Variants in SLC24A2 observed in about 807,000 individuals in gnomAD.
The protein encoded by SLC24A2 is solute carrier family 24 member 2.
Under a neutral mutation model 62.0 loss-of-function variants are expected in SLC24A2, and 36 were observed. The observed-to-expected ratio is 0.58, with a 90% CI of 0.44 to 0.77. The LOEUF (loss-of-function observed/expected upper bound fraction) is 0.77. SLC24A2 is among the 30% of genes least tolerant of loss of function. The probability of loss-of-function intolerance (pLI) is 0.00; values close to 1 mark genes in which losing one functional copy is unlikely to be tolerated. For synonymous variants in SLC24A2, 358 were observed against 294.0 expected, an observed-to-expected ratio of 1.22 and a Z score of -2.23; for missense variants, 846 against 817.9, an observed-to-expected ratio of 1.03 and a Z score of -0.42.
At chr9:20,016,957 G>T in the SLC24A2 span, among the ~76,000 whole-genome samples, 1 of 152,164 alleles carries the variant, frequency 6.6e-6, no homozygotes, top group South Asian at 2.1e-4. Context: ...TTAATTAAAA[G>T]ATCACATAAG....
the SLC24A2 span, among the ~76,000 whole-genome samples, chr9:20,251,949 T>C: frequency 6.6e-6 from 1 of 152,200 alleles, no homozygotes; most frequent in African/African-American, 2.4e-5. Context: ...AAACACGACA[T>C]CTTTCCCAGA....
chr9:20,236,675 T>G, the SLC24A2 span, among the ~76,000 whole-genome samples: 2 of 152,146 alleles, frequency 1.3e-5, no homozygotes, highest in Admixed American at 1.3e-4. Context: ...CCCTGAATAA[T>G]TGAACTAAAA....
At chr9:20,106,076 G>A in the SLC24A2 span, among the ~76,000 whole-genome samples, 514 of 152,262 alleles carry the variant, frequency 3.4e-3, 9 homozygotes, top group Admixed American at 0.029. Context: ...ACACCTCTAC[G>A]CAAATGAACT....
chr9:20,055,747 G>T, the SLC24A2 span, among the ~76,000 whole-genome samples: 24 of 152,086 alleles, frequency 1.6e-4, no homozygotes, highest in Non-Finnish European at 3.5e-4. Flanking sequence ...TATTAGCCAG[G>T]TGTGGTGGTG....
the SLC24A2 span, among the ~76,000 whole-genome samples, chr9:20,114,482 C>T: frequency 1.3e-5 from 2 of 152,076 alleles, no homozygotes; most frequent in Non-Finnish European, 2.9e-5. Context: ...CATGACATTA[C>T]TGCTAATATT....
the SLC24A2 span, among the ~76,000 whole-genome samples, chr9:20,265,331 G>A: frequency 6.6e-6 from 1 of 152,344 alleles, no homozygotes. Context: ...GTTGCGGGAA[G>A]TCAGGGACCC....
At chr9:19,834,395 T>C in the SLC24A2 span, among the ~76,000 whole-genome samples, 11 of 152,218 alleles carry the variant, frequency 7.2e-5, no homozygotes, top group Non-Finnish European at 1.5e-4. Flanking sequence ...CTGATGGAGC[T>C]GAAAACCATG....
intron 8 of SLC24A2, among the ~76,000 whole-genome samples, chr9:19,534,295 C>T (rs1231806804): frequency 6.6e-6 from 1 of 152,136 alleles, no homozygotes; most frequent in East Asian, 1.9e-4. Context: ...GTGGCCATGC[C>T]TGGTTTCCTT....
At chr9:20,104,733 C>A in the SLC24A2 span, among the ~76,000 whole-genome samples, 2 of 152,194 alleles carry the variant, frequency 1.3e-5, no homozygotes, top group Admixed American at 1.3e-4. Flanking sequence ...CAGTACCAGC[C>A]ACTGCAAAAT....
At chr9:20,020,604 G>C in the SLC24A2 span, among the ~76,000 whole-genome samples, 1 of 152,118 alleles carries the variant, frequency 6.6e-6, no homozygotes, top group Non-Finnish European at 1.5e-5. Context: ...ATAGCATTTG[G>C]AGAAATACCT....
chr9:19,602,249 A>G (rs1307921325), intron 4 of SLC24A2, among the ~76,000 whole-genome samples: 3 of 152,174 alleles, frequency 2.0e-5, no homozygotes, highest in African/African-American at 7.2e-5. Context: ...CTATGCCTGG[A>G]ACATTGGAAG....
intron 4 of SLC24A2, among the ~76,000 whole-genome samples, chr9:19,608,667 C>G (rs962515064): frequency 1.3e-5 from 2 of 152,122 alleles, no homozygotes; most frequent in East Asian, 3.9e-4. Context: ...AGATGACTTT[C>G]GGGTGTGTGG....
At chr9:19,559,925 T>C (rs1835307838) in intron 7 of SLC24A2, among the ~76,000 whole-genome samples, 1 of 152,162 alleles carries the variant, frequency 6.6e-6, no homozygotes, top group Admixed American at 6.5e-5. Context: ...CCCATAAAAT[T>C]ATTCACTACT....
the SLC24A2 span, among the ~76,000 whole-genome samples, chr9:20,022,539 A>G: frequency 3.9e-5 from 6 of 152,160 alleles, no homozygotes; most frequent in Non-Finnish European, 7.4e-5. Context: ...CCCTGTTGCA[A>G]TTCCTGTTGC....
At chr9:19,530,916 G>C (rs994835598) in intron 8 of SLC24A2, among the ~76,000 whole-genome samples, 1 of 152,096 alleles carries the variant, frequency 6.6e-6, no homozygotes, top group African/African-American at 2.4e-5. Context: ...TACCACACGT[G>C]CTCCCAATAT....
At chr9:19,575,633 A>G (rs1835987734) in intron 6 of SLC24A2, among the ~76,000 whole-genome samples, 1 of 152,244 alleles carries the variant, frequency 6.6e-6, no homozygotes, top group African/African-American at 2.4e-5. Flanking sequence ...GTTCAAAGTC[A>G]TTGAGAGCCC....
At chr9:19,847,370 T>A in the SLC24A2 span, among the ~76,000 whole-genome samples, 1 of 152,204 alleles carries the variant, frequency 6.6e-6, no homozygotes, top group African/African-American at 2.4e-5. Context: ...ATGCAAACCA[T>A]ATAATTATAA....
the SLC24A2 span, among the ~76,000 whole-genome samples, chr9:20,065,932 T>A: frequency 6.6e-6 from 1 of 152,148 alleles, no homozygotes; most frequent in Non-Finnish European, 1.5e-5. Context: ...GCTGGAAGGA[T>A]AAAAACACAC....
At chr9:19,636,355 CTTT>C (rs1818344679) in intron 2 of SLC24A2, among the ~76,000 whole-genome samples, 1 of 34,450 alleles carries the variant, frequency 2.9e-5, no homozygotes, top group African/African-American at 1.4e-4. Flanking sequence ...TTCTTTCTTT[CTTT>C]CTTTCTTTCT....
Sources: allele counts gnomAD v4.1 joint callset (sites outside exome capture counted in the v4.1 genomes callset), GRCh38; gene constraint gnomAD v4.1.1; transcripts MANE v1.5; gene names NCBI Gene and HGNC (gene_info 2026-07-23, HGNC 2026-07-21).